The following PIBF1 variants were observed in gnomAD, a reference collection of about 807,000 sequenced individuals.
The protein encoded by PIBF1 is progesterone immunomodulatory binding factor 1, also known as progesterone-induced-blocking factor 1.
In PIBF1, 90 loss-of-function variants were observed where a neutral mutation model predicts 112.5. The observed-to-expected ratio is 0.80, with a 90% CI of 0.67 to 0.95. The LOEUF (loss-of-function observed/expected upper bound fraction) is 0.95. PIBF1 is among the 40% of genes least tolerant of loss of function. The pLI is 0.00. For missense variants in PIBF1, 915 were observed against 852.3 expected (o/e 1.07, Z -0.92); for synonymous variants, 301 against 288.6 (o/e 1.04, Z -0.44).
intron 14 of PIBF1, among the ~76,000 whole-genome samples, chr13:72,964,045 T>TA (rs2042676163): frequency 1.3e-5 from 2 of 152,204 alleles, no homozygotes; most frequent in South Asian, 2.1e-4. Context: ...CCAATGTTCA[T>TA]AGCAGCATTA....
chr13:72,935,578 T>A (rs2041845710), intron 14 of PIBF1, among the ~76,000 whole-genome samples: 1 of 152,180 alleles, frequency 6.6e-6, no homozygotes, highest in African/African-American at 2.4e-5. Flanking sequence ...ACTGGCCGGA[T>A]CATATCGTAG....
rs946108064 is a variant in PIBF1, at chr13:72,931,184, G to A, written c.1750G>A (p.Val584Met). 6.2e-7 allele frequency: 1 copy of A among 1,611,492 alleles called. No individual in the cohort carries two copies. The highest frequency in any genetic ancestry group is 8.5e-7 in the Non-Finnish European group (1 of 1,178,136). The change falls in exon 14 of 18, where the codon GTG becomes ATG. Residue 584 changes from valine (V) to methionine (M), a missense_variant. Val to Met is a conservative substitution (Grantham distance 21, BLOSUM62 1). Coordinates refer to ENST00000326291, the MANE Select transcript of PIBF1 (RefSeq NM_006346.4). Reference sequence around the variant, plus strand: ...GCCTAGTGTTCACTTGGCAAGAAGAGTGCTTCAATTAGAAAAACAAAACTC... The same window carrying A: ...GCCTAGTGTTCACTTGGCAAGAAGAATGCTTCAATTAGAAAAACAAAACTC... ...LKQSVHLARR[V>M]LQLEKQNSLI...
At chr13:72,990,225 A>C (rs2043429622) in intron 16 of PIBF1, among the ~76,000 whole-genome samples, 1 of 148,212 alleles carries the variant, frequency 6.7e-6, no homozygotes, top group Non-Finnish European at 1.5e-5. Context: ...AAAAAAAAAA[A>C]AAAAAAAAAA....
chr13:72,875,534 A>G (rs2039360066), intron 10 of PIBF1, among the ~76,000 whole-genome samples: 1 of 152,120 alleles, frequency 6.6e-6, no homozygotes, highest in Admixed American at 6.6e-5. Context: ...CAAAGTGGCT[A>G]TATCGGTATG....
intron 9 of PIBF1, among the ~76,000 whole-genome samples, chr13:72,844,351 T>A (rs549178239): frequency 1.7e-4 from 26 of 152,332 alleles, no homozygotes; most frequent in African/African-American, 5.5e-4. Context: ...TCTTTTTTTA[T>A]TATTATACTT....
chr13:72,869,654 TAAAG>T (rs1418196811), intron 10 of PIBF1, among the ~76,000 whole-genome samples: 1 of 151,574 alleles, frequency 6.6e-6, no homozygotes, highest in Non-Finnish European at 1.5e-5. Flanking sequence ...AAATAAAAAA[TAAAG>T]CATTCCACTT....
At chr13:72,976,915 C>T (rs1357236105) in intron 16 of PIBF1, among the ~76,000 whole-genome samples, 1 of 152,028 alleles carries the variant, frequency 6.6e-6, no homozygotes, top group African/African-American at 2.4e-5. Flanking sequence ...GCAAGCAAGG[C>T]ATCTAGGACA....
At chr13:72,876,500 T>C (rs557046734) in intron 10 of PIBF1, among the ~76,000 whole-genome samples, 1 of 152,298 alleles carries the variant, frequency 6.6e-6, no homozygotes, top group South Asian at 2.1e-4. Context: ...TGGGATTACG[T>C]TGAATCTATA....
chr13:72,892,394 T>C lies in PIBF1; in HGVS notation c.1323-1390T>C, dbSNP rs578193658. On this transcript the variant is annotated intron_variant, in intron 10 of 17. Transcript: ENST00000326291. ...GAGACTTGAAGTAGCCCATGGTGTA[T>C]ATCTAATGCCTATCTTCTCTGATTA... Among the ~76,000 whole-genome samples, 5 of 152,284 alleles carry C rather than the reference T, an allele frequency of 3.3e-5. No homozygotes were observed. In the East Asian group the frequency reaches 9.6e-4, roughly 29 times the overall value.
intron 11 of PIBF1, among the ~76,000 whole-genome samples, chr13:72,905,712 A>G (rs947932659): frequency 6.6e-6 from 1 of 152,156 alleles, no homozygotes; most frequent in African/African-American, 2.4e-5. Flanking sequence ...AATTGATTTT[A>G]TAACCTCCAA....
chr13:72,979,592 G>A (rs977754266), intron 16 of PIBF1, among the ~76,000 whole-genome samples: 1 of 152,116 alleles, frequency 6.6e-6, no homozygotes, highest in Non-Finnish European at 1.5e-5. Flanking sequence ...TGGTGATGAT[G>A]AGGTGAAACA....
chr13:72,866,868 A>G (rs1005374044), intron 10 of PIBF1, among the ~76,000 whole-genome samples: 1 of 152,074 alleles, frequency 6.6e-6, no homozygotes, highest in Non-Finnish European at 1.5e-5. Context: ...CATAATGTGT[A>G]TCTTTGTATT....
chr13:72,800,199 C>A (rs898537258), intron 5 of PIBF1, among the ~76,000 whole-genome samples: 1 of 152,138 alleles, frequency 6.6e-6, no homozygotes, highest in African/African-American at 2.4e-5. Context: ...CCACACCTGG[C>A]TAATTTATGT....
At chr13:72,982,209 A>G (rs1300384970) in intron 16 of PIBF1, among the ~76,000 whole-genome samples, 1 of 152,142 alleles carries the variant, frequency 6.6e-6, no homozygotes, top group Non-Finnish European at 1.5e-5. Flanking sequence ...AGGCCAAGGC[A>G]GGCAGATCGC....
At chr13:72,801,280 A>G (rs2035458532) in intron 5 of PIBF1, among the ~76,000 whole-genome samples, 1 of 151,872 alleles carries the variant, frequency 6.6e-6, no homozygotes, top group Middle Eastern at 3.4e-3. Context: ...GTTTATTTAC[A>G]CATAGATTTT....
intron 14 of PIBF1, among the ~76,000 whole-genome samples, chr13:72,949,296 C>CTTTTTTTTTTTTTTTTTTTTTTTTT (rs1566481258): frequency 9.0e-6 from 1 of 110,906 alleles, no homozygotes; most frequent in African/African-American, 3.5e-5. Flanking sequence ...AGACAAATAG[C>CTTTTTTTTTTTTTTTTTTTTTTTTT]TGTCTTTTTT....
intron 9 of PIBF1, among the ~76,000 whole-genome samples, chr13:72,842,297 A>G (rs771344946): frequency 1.3e-4 from 20 of 152,236 alleles, no homozygotes; most frequent in Non-Finnish European, 2.8e-4. Context: ...AAAAGATAAT[A>G]GAGGTATTCA....
At chr13:72,860,848 C>T (rs1300542443) in intron 10 of PIBF1, among the ~76,000 whole-genome samples, 5 of 152,080 alleles carry the variant, frequency 3.3e-5, no homozygotes, top group Non-Finnish European at 7.4e-5. Context: ...TCATGTATGT[C>T]CCAATTCAAG....
Position 72,997,515 on chromosome 13 carries a change from C to T in PIBF1, c.2050-1307C>T, listed in dbSNP as rs142883383. ...TCTGACACCATTTCTTCTGACACGTCTCGCAACCCTAAAATCTATTAAGGT... is the reference window on the plus strand; with the variant it reads ...TCTGACACCATTTCTTCTGACACGTTTCGCAACCCTAAAATCTATTAAGGT... On this transcript the variant is annotated intron_variant, in intron 16 of 17. Transcript: ENST00000326291. 4.5e-3 allele frequency among the ~76,000 whole-genome samples: 688 copies of T among 152,290 alleles called. 2 individuals are homozygous for T. The highest frequency in any genetic ancestry group is 7.9e-3 in the South Asian group (38 of 4,824).
Sources: allele counts gnomAD v4.1 joint callset (sites outside exome capture counted in the v4.1 genomes callset), GRCh38; gene constraint gnomAD v4.1.1; transcripts MANE v1.5; gene names NCBI Gene and HGNC (gene_info 2026-07-23, HGNC 2026-07-21).